The following LSM3 variants were observed in gnomAD, a reference collection of about 807,000 sequenced individuals.
LSM3 encodes the protein U6 snRNA-associated Sm-like protein LSm3.
LSM3 carries 14 observed loss-of-function variants against 15.4 expected under a neutral mutation model. The observed-to-expected ratio is 0.91, with a 90% CI of 0.60 to 1.42. The LOEUF (loss-of-function observed/expected upper bound fraction) is 1.42. LSM3 is among the 40% of genes most tolerant of loss of function. LSM3 has a pLI of 0.00. For missense variants in LSM3, 88 were observed against 127.9 expected, an observed-to-expected ratio of 0.69 and a Z score of 1.50; for synonymous variants, 46 against 45.1, an observed-to-expected ratio of 1.02 and a Z score of -0.08.
At chr3:14,195,295 A>G (rs910786504) in intron 3 of LSM3, among the ~76,000 whole-genome samples, 2 of 152,046 alleles carry the variant, frequency 1.3e-5, no homozygotes, top group Admixed American at 1.3e-4. Flanking sequence ...CAGTGATATG[A>G]CCCTAGCCAA....
chr3:14,195,771 G>A (rs898684851), intron 3 of LSM3, among the ~76,000 whole-genome samples: 2 of 152,124 alleles, frequency 1.3e-5, no homozygotes, highest in East Asian at 1.9e-4. Context: ...GGAGCTTGGC[G>A]CAGTTAAGCC....
At chr3:14,180,857 T>TA (rs34127386) in intron 1 of LSM3, among the ~76,000 whole-genome samples, 1,623 of 64,734 alleles carry the variant, frequency 0.025, 59 homozygotes, top group East Asian at 0.063. Context: ...TTTTTTTTTT[T>TA]AAAAAAAAAA....
chr3:14,178,938 C>A, intron 1 of LSM3, 57 bp downstream of exon 1: 1 of 1,596,734 alleles, frequency 6.3e-7, no homozygotes, highest in Non-Finnish European at 8.6e-7. Flanking sequence ...GCTGCTTTTT[C>A]CAGACTCAGG....
Position 14,198,129 on chromosome 3 carries a change from G to T in LSM3, c.*13G>T. 6.2e-7 allele frequency: 1 copy of T among 1,607,008 alleles called. No individual in the cohort carries two copies. Among genetic ancestry groups the T allele is most frequent in the South Asian group, 1.1e-5 (1 of 90,874 alleles). On this transcript the variant is annotated 3_prime_UTR_variant, in exon 4 of 4. Transcript: ENST00000306024. ...GAGAGTTGGCTGAAACAAAGAATTT[G>T]TCCTGTATGGAAAACGGGAGACTTT...
rs552440585 is a variant in LSM3, at chr3:14,195,487, T to C, written c.229-2549T>C. ...AAAATTATTTATGGAAAAATGACCA[T>C]GGGTTAACTTACCAGTTCATTTTCC... On this transcript the variant is annotated intron_variant, in intron 3 of 3. Coordinates refer to ENST00000306024, the MANE Select transcript of LSM3 (RefSeq NM_014463.3). Among the ~76,000 whole-genome samples the C allele has an allele frequency of 1.2e-4, 18 of 152,312 alleles. 1 individual carries two copies. The South Asian group carries it at 3.7e-3, about 32-fold the overall frequency.
At chr3:14,187,966 C>T (rs569598128) in intron 3 of LSM3, among the ~76,000 whole-genome samples, 23 of 152,210 alleles carry the variant, frequency 1.5e-4, no homozygotes, top group African/African-American at 3.6e-4. Context: ...CCAAACACCT[C>T]GTAGTTTGGC....
intron 3 of LSM3, among the ~76,000 whole-genome samples, chr3:14,190,310 G>GT (rs899056898): frequency 1.3e-4 from 20 of 151,862 alleles, no homozygotes; most frequent in Non-Finnish European, 2.7e-4. Context: ...GTTTAAAGTA[G>GT]TTTTTTTCAA....
Position 14,194,564 on chromosome 3 carries a change from C to T in LSM3, c.229-3472C>T, listed in dbSNP as rs145487703. Among the ~76,000 whole-genome samples, 860 of 152,196 alleles carry T rather than the reference C, an allele frequency of 5.7e-3. 7 individuals are homozygous for T. Among genetic ancestry groups the T allele is most frequent in the African/African-American group, 0.02 (824 of 41,526 alleles). On this transcript the variant is annotated intron_variant, in intron 3 of 3. Transcript: ENST00000306024. ...TAATACCTGACACATAATGGGCACT[C>T]TAAATGTTTGTATGAGTGAACTTCA...
rs145805608 is a variant in LSM3, at chr3:14,194,775, CTTTTTTTTTTTTTTTTT to C, written c.229-3250_229-3234del. 1.1e-3 allele frequency among the ~76,000 whole-genome samples: 98 copies of C among 88,784 alleles called. 1 individual carries two copies. In the South Asian group the frequency reaches 0.041, roughly 37 times the overall value. The allele number at this position is 88,784 out of a possible 152,430, so 58.2% of individuals were successfully genotyped here. ...TCTCTGATATTGAGTTTATAGCATCCTTTTTTTTTTTTTTTTTTTTTTTTTTTAAACCTAGAGCACTT... is the reference window on the plus strand; with the variant it reads ...TCTCTGATATTGAGTTTATAGCATCCTTTTTTTTTTAAACCTAGAGCACTT... On this transcript the variant is annotated intron_variant, in intron 3 of 3. Transcript: ENST00000306024.
At chr3:14,190,720 A>G (rs1298378527) in intron 3 of LSM3, among the ~76,000 whole-genome samples, 2 of 152,176 alleles carry the variant, frequency 1.3e-5, no homozygotes, top group Admixed American at 1.3e-4. Flanking sequence ...TAAATATACA[A>G]TCATGTCATC....
chr3:14,197,407 T>C (rs1234375132), intron 3 of LSM3, among the ~76,000 whole-genome samples: 14 of 152,260 alleles, frequency 9.2e-5, no homozygotes, highest in Admixed American at 9.2e-4. Flanking sequence ...CGAACATTCA[T>C]GTGTTTCTTT....
At position 14,180,857 on chromosome 3, in the gene LSM3, TA is replaced by T. The variant is rs34127386; in HGVS notation, c.22-691del. ...TTTTTTTTTTTTTTTTTTTTTTTTT[TA>T]AAAAAAAAAAAGACAAGAGTCTCAC... is the stretch of plus-strand genomic sequence containing the variant. On this transcript the variant is annotated intron_variant, in intron 1 of 3. Transcript: ENST00000306024. 9.5e-3 allele frequency among the ~76,000 whole-genome samples: 613 copies of T among 64,774 alleles called. 53 individuals are homozygous for T. The highest frequency in any genetic ancestry group is 0.018 in the African/African-American group (256 of 14,162). 42.5% of individuals were successfully genotyped at this position (64,774 alleles called of 152,430 possible).
At chr3:14,184,581 C>A (rs1183645545) in intron 3 of LSM3, among the ~76,000 whole-genome samples, 4 of 150,822 alleles carry the variant, frequency 2.7e-5, no homozygotes, top group Non-Finnish European at 4.4e-5. Context: ...AACGGTGAAA[C>A]CCCGTCTCTA....
In LSM3 at chr3:14,200,894, G is replaced by A. The variant is rs946852246; in HGVS notation, c.*2778G>A. On this transcript the variant is annotated 3_prime_UTR_variant, in exon 4 of 4. Coordinates refer to ENST00000306024, the MANE Select transcript of LSM3 (RefSeq NM_014463.3). ...CACCTGTAAACTCAACCACTAAGGAGACTGAGGCGGGAGGATTACTTGAGC... is the reference window on the plus strand; with the variant it reads ...CACCTGTAAACTCAACCACTAAGGAAACTGAGGCGGGAGGATTACTTGAGC... 6.6e-5 allele frequency: 10 copies of A among 152,170 alleles called. No individual in the cohort carries two copies. The highest frequency in any genetic ancestry group is 2.4e-5 in the African/African-American group (1 of 41,438). The allele number at this position is 152,170 out of a possible 1,614,324, so 9.4% of individuals were successfully genotyped here.
chr3:14,193,272 G>A (rs1289503134), intron 3 of LSM3, among the ~76,000 whole-genome samples: 8 of 152,116 alleles, frequency 5.3e-5, no homozygotes. Flanking sequence ...TGTTCTTCTT[G>A]AGGAGTATCT....
At chr3:14,198,001 T>A in intron 3 of LSM3, 35 bp from the exon 4 acceptor site, 1 of 1,532,108 alleles carries the variant, frequency 6.5e-7, no homozygotes, top group Non-Finnish European at 9.0e-7. Flanking sequence ...AATACACAGT[T>A]GTACAAATAT....
intron 3 of LSM3, among the ~76,000 whole-genome samples, chr3:14,189,355 C>A (rs1340699115): frequency 6.6e-6 from 1 of 152,174 alleles, no homozygotes; most frequent in Non-Finnish European, 1.5e-5. Context: ...ATTTCCAGTT[C>A]TAGATCCTTG....
chr3:14,191,642 T>C (rs532080137), intron 3 of LSM3, among the ~76,000 whole-genome samples: 33 of 152,304 alleles, frequency 2.2e-4, no homozygotes, highest in African/African-American at 7.9e-4. Context: ...CCTATATCAT[T>C]TTTTATTGCG....
At chr3:14,196,800 G>T (rs1055246888) in intron 3 of LSM3, among the ~76,000 whole-genome samples, 1 of 151,986 alleles carries the variant, frequency 6.6e-6, no homozygotes, top group African/African-American at 2.4e-5. Flanking sequence ...ATAGTCAAAG[G>T]TTTTTTTTGG....
Sources: allele counts gnomAD v4.1 joint callset (sites outside exome capture counted in the v4.1 genomes callset), GRCh38; gene constraint gnomAD v4.1.1; transcripts MANE v1.5; gene names NCBI Gene and HGNC (gene_info 2026-07-23, HGNC 2026-07-21).